Variants in LARP1B observed in about 807,000 individuals in gnomAD.
LARP1B encodes la-related protein 1B.
A neutral mutation model predicts 114.2 loss-of-function variants in LARP1B; 76 were observed. The observed-to-expected ratio is 0.67, with a 90% confidence interval of 0.55 to 0.81. LARP1B has a LOEUF of 0.81. Ranked by LOEUF, LARP1B falls within the 30% of genes least tolerant of loss-of-function variation. LARP1B has a pLI of 0.00. For missense variants in LARP1B, 1,014 were observed against 1,075.8 expected (o/e 0.94, Z 0.80); for synonymous variants, 345 against 348.0 (o/e 0.99, Z 0.10).
At chr4:128,068,644 C>T (rs140667132) in intron 1 of LARP1B, among the ~76,000 whole-genome samples, 2 of 151,864 alleles carry the variant, frequency 1.3e-5, no homozygotes, top group Admixed American at 6.6e-5. Flanking sequence ...TTCTTGGCGG[C>T]CTCAAAGGAT....
intron 18 of LARP1B, 125 bp downstream of exon 18, chr4:128,206,662 G>A (rs2150944628): frequency 2.1e-6 from 3 of 1,396,468 alleles, no homozygotes; most frequent in Non-Finnish European, 2.8e-6. Flanking sequence ...TCATGCTATT[G>A]TTGTGTTTCT....
intron 6 of LARP1B, 26 bp from the exon 7 acceptor site, chr4:128,091,321 C>G: frequency 6.3e-7 from 1 of 1,585,286 alleles, no homozygotes; most frequent in South Asian, 1.1e-5. Flanking sequence ...ATGTGATTAC[C>G]TTTCTTTTTC....
At chr4:128,062,864 A>G (rs369433753) in intron 1 of LARP1B, among the ~76,000 whole-genome samples, 122 of 152,212 alleles carry the variant, frequency 8.0e-4, no homozygotes, top group Middle Eastern at 6.8e-3. Context: ...ACATGTATAC[A>G]TGTGTAACCT....
intron 12 of LARP1B, among the ~76,000 whole-genome samples, chr4:128,170,268 C>T (rs1226230785): frequency 2.0e-5 from 3 of 152,080 alleles, no homozygotes; most frequent in Non-Finnish European, 4.4e-5. Flanking sequence ...TATAGTCTGT[C>T]TTGGTGAATA....
At chr4:128,184,465 G>A (rs922538953) in intron 15 of LARP1B, among the ~76,000 whole-genome samples, 4 of 152,076 alleles carry the variant, frequency 2.6e-5, no homozygotes, top group African/African-American at 9.7e-5. Flanking sequence ...CATATTTTGG[G>A]GGTGCATGTG....
chr4:128,205,614 T>A (rs533900847), intron 17 of LARP1B, among the ~76,000 whole-genome samples: 1 of 152,312 alleles, frequency 6.6e-6, no homozygotes, highest in South Asian at 2.1e-4. Context: ...AGGGAGGCTC[T>A]CTTAACCATT....
At chr4:128,171,297 T>G (rs1187026203) in intron 12 of LARP1B, among the ~76,000 whole-genome samples, 1 of 151,974 alleles carries the variant, frequency 6.6e-6, no homozygotes, top group African/African-American at 2.4e-5. Context: ...CCCAACTAAT[T>G]TTTTTATTTT....
intron 19 of LARP1B, among the ~76,000 whole-genome samples, chr4:128,209,431 CA>C (rs1758494514): frequency 6.6e-6 from 1 of 151,594 alleles, no homozygotes; most frequent in African/African-American, 2.4e-5. Context: ...AAAACAAAAA[CA>C]AAAAACAAGC....
intron 1 of LARP1B, among the ~76,000 whole-genome samples, chr4:128,072,383 G>A (rs1470841400): frequency 6.6e-6 from 1 of 152,030 alleles, no homozygotes; most frequent in Non-Finnish European, 1.5e-5. Flanking sequence ...AATGATGTTT[G>A]AAAAATGGAG....
chr4:128,074,831 T>G (rs2149389504), intron 2 of LARP1B, 103 bp from the exon 3 acceptor site: 3 of 764,006 alleles, frequency 3.9e-6, no homozygotes, highest in Non-Finnish European at 6.5e-6. Flanking sequence ...TAACTGAATA[T>G]AAATGATTAT....
At chr4:128,092,889 C>G (rs1776386847) in intron 7 of LARP1B, 9 of 985,356 alleles carry the variant, frequency 9.1e-6, no homozygotes, top group Non-Finnish European at 1.1e-5. Context: ...CTGCCAAGTC[C>G]CTTCTGAGAC....
chr4:128,091,266 C>T, intron 6 of LARP1B, 81 bp from the exon 7 acceptor site: 1 of 1,501,774 alleles, frequency 6.7e-7, no homozygotes. Flanking sequence ...GTTTGTTAAC[C>T]TTTGAAGTTC....
At chr4:128,079,072 C>G (rs1452715403) in intron 4 of LARP1B, among the ~76,000 whole-genome samples, 2 of 145,286 alleles carry the variant, frequency 1.4e-5, no homozygotes, top group Non-Finnish European at 3.0e-5. Flanking sequence ...GTAGACTGAT[C>G]ACTTACTTGA....
In LARP1B at chr4:128,078,519, T is replaced by C. The variant is rs374755774; in HGVS notation, c.217+557T>C. On this transcript the variant is annotated intron_variant, in intron 4 of 19. Transcript: ENST00000326639. ...GGGAGGCTGAGGCAGGAGAATTGCT[T>C]GAACCCAGGAGGTGGAGGTTGCAGT... Among the ~76,000 whole-genome samples the C allele has an allele frequency of 2.6e-5, 4 of 151,794 alleles. No homozygotes were observed. The East Asian group carries it at 7.8e-4, about 29-fold the overall frequency.
intron 12 of LARP1B, among the ~76,000 whole-genome samples, chr4:128,176,299 A>G (rs893710004): frequency 4.9e-5 from 7 of 143,686 alleles, no homozygotes; most frequent in Admixed American, 2.1e-4. Flanking sequence ...ATATATATAT[A>G]TATTTTTTTT....
At chr4:128,120,527 C>CAGCCTCCGCCTCCAGGGTTCA (rs969834919) in intron 10 of LARP1B, among the ~76,000 whole-genome samples, 82 of 151,062 alleles carry the variant, frequency 5.4e-4, no homozygotes, top group Middle Eastern at 3.4e-3. Flanking sequence ...CAGCTCACTG[C>CAGCCTCCGCCTCCAGGGTTCA]AGCCTCCGCC....
intron 12 of LARP1B, among the ~76,000 whole-genome samples, chr4:128,164,495 A>G (rs963294924): frequency 1.3e-5 from 2 of 152,240 alleles, no homozygotes; most frequent in African/African-American, 4.8e-5. Context: ...TTAAAAATTA[A>G]TATGAAAAAT....
chr4:128,123,634 A>G, intron 11 of LARP1B: 2 of 566,880 alleles, frequency 3.5e-6, no homozygotes, highest in Non-Finnish European at 4.5e-6. Flanking sequence ...TAGTGTTAGA[A>G]TAGTTTCTGG....
At position 128,102,986 on chromosome 4, in the gene LARP1B, C is replaced by A. The variant is rs1310624184; in HGVS notation, c.814-4153C>A. 2.0e-5 allele frequency among the ~76,000 whole-genome samples: 3 copies of A among 152,158 alleles called. No individual in the cohort carries two copies. The East Asian group carries it at 5.8e-4, about 29-fold the overall frequency. On this transcript the variant is annotated intron_variant, in intron 8 of 19. Transcript: ENST00000326639. ...TTTGCACATTCAAGTCTTTCTCTTA[C>A]TACCAGGCAGTAAGAATGCAACATC...
Sources: gnomAD v4.1 joint callset for allele counts (sites outside exome capture counted in the v4.1 genomes callset) on GRCh38, gnomAD v4.1.1 for gene constraint, MANE v1.5 for transcripts, NCBI Gene and HGNC (gene_info 2026-07-23, HGNC 2026-07-21) for gene names.